Variants in DOCK5 observed in about 807,000 individuals in gnomAD.
DOCK5 encodes dedicator of cytokinesis protein 5.
DOCK5 carries 142 observed loss-of-function variants against 251.8 expected under a neutral mutation model. The observed-to-expected ratio is 0.56, with a 90% CI of 0.49 to 0.65. The LOEUF (loss-of-function observed/expected upper bound fraction) is 0.65, where lower values mean the gene tolerates loss of function less well. Among genes scored for constraint, DOCK5 ranks in the 30% least tolerant of loss-of-function variants. The pLI, the probability that DOCK5 is intolerant of heterozygous loss-of-function variation, is 0.00. For missense variants in DOCK5, 2,111 were observed against 2,312.3 expected, an observed-to-expected ratio of 0.91 and a Z score of 1.79; for synonymous variants, 842 against 835.5, an observed-to-expected ratio of 1.01 and a Z score of -0.13.
In DOCK5 at chr8:25,415,514, G is replaced by T. The variant is rs1301681929; in HGVS notation, c.*4216G>T. On this transcript the variant is annotated 3_prime_UTR_variant, in exon 52 of 52. Transcript: ENST00000276440. ...TAGCCAAGGCTGGTCTGCAGTATCAGATGTCCAAACTCATCTACTATTAGC... is the reference window on the plus strand; with the variant it reads ...TAGCCAAGGCTGGTCTGCAGTATCATATGTCCAAACTCATCTACTATTAGC... 3.3e-5 allele frequency: 5 copies of T among 152,184 alleles called. No individual in the cohort carries two copies. Among genetic ancestry groups the T allele is most frequent in the Admixed American group, 2.6e-4 (4 of 15,276 alleles). The allele number at this position is 152,184 out of a possible 1,614,324, so 9.4% of individuals were successfully genotyped here. A position where few individuals can be genotyped will look rare whatever the true frequency, so the allele number is the denominator to read the frequency against.
chr8:25,317,136 G>A lies in DOCK5; in HGVS notation c.1443+5G>A, dbSNP rs372337020. On this transcript the variant is annotated splice_donor_5th_base_variant and intron_variant, in intron 14 of 51. Transcript: ENST00000276440. The stretch of plus-strand genomic sequence containing the variant: ...GAGGAGGGCAAGCTCTTGGAGGTGC[G>A]CGGCATGGCCCAGAAATCCTGCTAC... The A allele has an allele frequency of 7.6e-5, 123 of 1,612,362 alleles. No homozygotes were observed. The East Asian group carries it at 8.0e-4, about 11-fold the overall frequency.
intron 5 of DOCK5, among the ~76,000 whole-genome samples, chr8:25,282,601 G>C (rs1804226139): frequency 6.6e-6 from 1 of 152,106 alleles, no homozygotes; most frequent in African/African-American, 2.4e-5. Flanking sequence ...GCTCACGCCT[G>C]TAATCCCATC....
Position 25,308,627 on chromosome 8 carries a change from A to G in DOCK5, c.1050-156A>G, listed in dbSNP as rs979150480. 1.3e-5 allele frequency: 11 copies of G among 867,694 alleles called. No homozygotes were observed. The South Asian group carries it at 1.3e-4, about 10-fold the overall frequency. The allele number at this position is 867,694 out of a possible 1,614,324, so 53.7% of individuals were successfully genotyped here. A position where few individuals can be genotyped will look rare whatever the true frequency, so the allele number is the denominator to read the frequency against. The stretch of plus-strand genomic sequence containing the variant: ...CAAGGTGAATTTAGTATTTAAGATG[A>G]CACAAAATGGAAAAATAAAGGAAAG... On this transcript the variant is annotated intron_variant, in intron 11 of 51. Transcript: ENST00000276440.
chr8:25,340,792 G>T, intron 22 of DOCK5, 85 bp from the exon 23 acceptor site: 1 of 1,047,282 alleles, frequency 9.5e-7, no homozygotes, highest in East Asian at 2.6e-5. Flanking sequence ...ATACGATGAA[G>T]GAGAAGTGAG....
At chr8:25,257,374 A>G (rs1424616564) in intron 2 of DOCK5, among the ~76,000 whole-genome samples, 1 of 152,206 alleles carries the variant, frequency 6.6e-6, no homozygotes, top group African/African-American at 2.4e-5. Context: ...AAACTTGAAG[A>G]AATTCATGCA....
At chr8:25,275,227 G>A (rs1471545676) in intron 3 of DOCK5, among the ~76,000 whole-genome samples, 159 bp from the exon 4 acceptor site, 1 of 152,134 alleles carries the variant, frequency 6.6e-6, no homozygotes, top group Non-Finnish European at 1.5e-5. Flanking sequence ...TTTTGTGGAG[G>A]TAGCCAGTCA....
intron 6 of DOCK5, among the ~76,000 whole-genome samples, chr8:25,293,894 C>T (rs971089074): frequency 6.6e-6 from 1 of 152,194 alleles, no homozygotes; most frequent in Non-Finnish European, 1.5e-5. Flanking sequence ...ATCCCAGCTA[C>T]TTGGGAGGCT....
intron 1 of DOCK5, 101 bp downstream of exon 1, chr8:25,185,052 CG>C (rs1431512838): frequency 2.5e-6 from 3 of 1,218,320 alleles, no homozygotes; most frequent in Non-Finnish European, 3.1e-6. Flanking sequence ...GGACCCTGGC[CG>C]GGGGCTCGGC....
Position 25,366,972 on chromosome 8 carries a change from T to TA in DOCK5, c.3224+4dup. ...CAAGCGCAACAAAATTGTTAAAAAG[T>TA]AAGTGTCCTTTTAAAGTTAAGATCG... is the stretch of plus-strand genomic sequence containing the variant. On this transcript the variant is annotated splice_region_variant and intron_variant, in intron 31 of 51. Transcript: ENST00000276440. 1 of 1,612,364 alleles carries TA rather than the reference T, an allele frequency of 6.2e-7. No homozygotes were observed. The highest frequency in any genetic ancestry group is 8.5e-7 in the Non-Finnish European group (1 of 1,178,524).
intron 27 of DOCK5, among the ~76,000 whole-genome samples, chr8:25,357,373 C>CT (rs397891518): frequency 0.14 from 12,828 of 92,650 alleles, 1,264 homozygotes; most frequent in East Asian, 0.33. Flanking sequence ...AAAAAATAAA[C>CT]TTTTTTTTTT....
intron 28 of DOCK5, 41 bp from the exon 29 acceptor site, chr8:25,363,006 G>A (rs375185973): frequency 2.5e-5 from 37 of 1,498,914 alleles, no homozygotes; most frequent in African/African-American, 1.5e-4. Flanking sequence ...GACTATGAAC[G>A]TAACCCAGTT....
intron 42 of DOCK5, among the ~76,000 whole-genome samples, chr8:25,391,545 G>A (rs1378324462): frequency 6.6e-6 from 1 of 152,056 alleles, no homozygotes; most frequent in East Asian, 1.9e-4. Context: ...GGCTGAGGTA[G>A]GAGAATCACT....
chr8:25,373,507 T>C (rs973978571), intron 35 of DOCK5, 111 bp from the exon 36 acceptor site: 19 of 994,894 alleles, frequency 1.9e-5, no homozygotes, highest in Non-Finnish European at 2.9e-5. Context: ...GAAACAGTGA[T>C]CTCTTTGGAA....
intron 16 of DOCK5, 92 bp from the exon 17 acceptor site, chr8:25,323,756 C>G: frequency 2.9e-6 from 4 of 1,386,010 alleles, no homozygotes; most frequent in Non-Finnish European, 4.0e-6. Context: ...TGGTTGAACG[C>G]TGCACCCCCG....
At chr8:25,323,812 T>C (rs1351877212) in intron 16 of DOCK5, 36 bp from the exon 17 acceptor site, 1 of 1,599,752 alleles carries the variant, frequency 6.3e-7, no homozygotes, top group Non-Finnish European at 8.5e-7. Flanking sequence ...CTGGTGTCTC[T>C]CTGCACTGCT....
rs547195163 is a variant in DOCK5, at chr8:25,320,894, A to G, written c.1543-86A>G. 4.5e-5 allele frequency: 54 copies of G among 1,198,910 alleles called. 1 individual carries two copies. In the South Asian group the frequency reaches 6.0e-4, roughly 13 times the overall value. 74.3% of individuals were successfully genotyped at this position (1,198,910 alleles called of 1,614,324 possible). A position where few individuals can be genotyped will look rare whatever the true frequency, so the allele number is the denominator to read the frequency against. ...TCTAGTAATTTGTGCTGTGGAAAGT[A>G]TAAAATTGAGCCTAATTCCATGAAA... On this transcript the variant is annotated intron_variant, in intron 15 of 51. Coordinates refer to ENST00000276440, the MANE Select transcript of DOCK5 (RefSeq NM_024940.8).
chr8:25,356,910 TA>T (rs1563214134), intron 27 of DOCK5, among the ~76,000 whole-genome samples: 64 of 826 alleles, frequency 0.077, no homozygotes, highest in Non-Finnish European at 0.23. Context: ...ATGAAGATTA[TA>T]TATATATATA....
In DOCK5 at chr8:25,302,374, A is replaced by G; in HGVS notation, c.896A>G (p.Gln299Arg). The G allele has an allele frequency of 6.2e-7, 1 of 1,612,792 alleles. No individual in the cohort carries two copies. The highest frequency in any genetic ancestry group is 8.5e-7 in the Non-Finnish European group (1 of 1,179,460). Residue 299 changes from glutamine to arginine, a missense_variant, in exon 10 of 52, where the codon CAG becomes CGG. Coordinates refer to ENST00000276440, the MANE Select transcript of DOCK5 (RefSeq NM_024940.8). ...CGGCCCCGCGTCAGCCTTGTGTGCC[A>G]GATTGTCCGCGTGGGCCATATGGAG... ...LIRPRVSLVC[Q>R]IVRVGHMELK...
chr8:25,206,641 C>T (rs904111115), intron 1 of DOCK5, among the ~76,000 whole-genome samples: 3 of 152,190 alleles, frequency 2.0e-5, no homozygotes, highest in Non-Finnish European at 4.4e-5. Flanking sequence ...CCTCGTTTTA[C>T]ACCATCTAAG....
Sources: allele counts gnomAD v4.1 joint callset (sites outside exome capture counted in the v4.1 genomes callset), GRCh38; gene constraint gnomAD v4.1.1; transcripts MANE v1.5; gene names NCBI Gene and HGNC (gene_info 2026-07-23, HGNC 2026-07-21).